VASP: variants seen among roughly 807,000 people sequenced by gnomAD.
VASP encodes the protein vasodilator-stimulated phosphoprotein.
In VASP, 27 loss-of-function variants were observed where a neutral mutation model predicts 54.4. The observed-to-expected ratio is 0.50, with a 90% confidence interval of 0.37 to 0.68. The LOEUF is 0.68. Among genes scored for constraint, VASP ranks in the 30% least tolerant of loss-of-function variants. The pLI is 0.00. For missense variants in VASP, 488 were observed against 528.3 expected, an observed-to-expected ratio of 0.92 and a Z score of 0.75; for synonymous variants, 233 against 209.8, an observed-to-expected ratio of 1.11 and a Z score of -0.96.
rs757610865 is a variant in VASP at position 45,524,510 on chromosome 19, C to T, written c.957-60C>T. 127 of 1,513,206 alleles carry T rather than the reference C, an allele frequency of 8.4e-5. 1 individual carries two copies. Among genetic ancestry groups the T allele is most frequent in the Admixed American group, 1.7e-5 (1 of 59,764 alleles). The allele number at this position is 1,513,206 out of a possible 1,614,324, so 93.7% of individuals were successfully genotyped here. A position where few individuals can be genotyped will look rare whatever the true frequency, so the allele number is the denominator to read the frequency against. On this transcript the variant is annotated intron_variant, in intron 10 of 12. Transcript: ENST00000245932. ...TCAATGTGACCCCTGGAATAGGAGG[C>T]GGGGAAGCAGGTCCTCTCTCTAATC...
chr19:45,524,659 AGGTAACTTGGGG>A lies in VASP; in HGVS notation c.1047+2_1047+13del, dbSNP rs1968920642. The A allele has an allele frequency of 6.2e-7, 1 of 1,613,558 alleles. No individual in the cohort carries two copies. Among genetic ancestry groups the A allele is most frequent in the Admixed American group, 1.7e-5 (1 of 59,960 alleles). ...TACTCGGACCTACAGAGGGTGAAAC[AGGTAACTTGGGG>A]GGGAAGTTGGGGACCACAGCAAGAG... is the stretch of plus-strand genomic sequence containing the variant. On this transcript the variant is annotated splice_donor_variant and splice_donor_5th_base_variant and coding_sequence_variant and intron_variant, in exon 11 of 13. Transcript: ENST00000245932. LOFTEE classifies it high-confidence loss of function.
At chr19:45,522,682 G>A (rs770046930) in intron 6 of VASP, 36 bp from the exon 7 acceptor site, 1 of 1,597,400 alleles carries the variant, frequency 6.3e-7, no homozygotes, top group South Asian at 1.1e-5. Flanking sequence ...CAAAAGGCCT[G>A]CCCCTAAAGC....
At chr19:45,524,727 G>A in intron 11 of VASP, 67 bp downstream of exon 11, 1 of 1,459,978 alleles carries the variant, frequency 6.8e-7, no homozygotes, top group East Asian at 2.4e-5. Context: ...CCACTGGCAT[G>A]CCGTATGATC....
At chr19:45,520,497 G>C (rs563019888) in intron 3 of VASP, among the ~76,000 whole-genome samples, 1 of 152,338 alleles carries the variant, frequency 6.6e-6, no homozygotes, top group Non-Finnish European at 1.5e-5. Context: ...GGGGCACACA[G>C]AAAAATACAG....
chr19:45,517,700 C>G lies in VASP; in HGVS notation c.43C>G (p.Leu15Val), dbSNP rs748897906. ...VICSSRATVMLYDDGNKRWLP... is the reference protein window; with the variant it reads ...VICSSRATVMVYDDGNKRWLP... ...CTGTTCCAGCCGGGCCACTGTGATG[C>G]TTTATGATGATGGCAACAAGCGATG... Residue 15 changes from leucine to valine, a missense_variant, in exon 2 of 13, where the codon CTT (leucine) becomes GTT (valine). Transcript: ENST00000245932. 4.3e-6 allele frequency: 7 copies of G among 1,611,878 alleles called. No homozygotes were observed. Among genetic ancestry groups the G allele is most frequent in the Admixed American group, 1.7e-5 (1 of 59,998 alleles).
rs545308879 is a variant in VASP at position 45,526,222 on chromosome 19, C to T, written c.*45C>T. On this transcript the variant is annotated 3_prime_UTR_variant, in exon 13 of 13. Transcript: ENST00000245932. ...CCGCTTCTCCTTTCCGCACACCCGG[C>T]CTGTCACCCTGCTTTCCCTGCCTCT... 30 of 1,579,066 alleles carry T rather than the reference C, an allele frequency of 1.9e-5. No homozygotes were observed. The South Asian group carries it at 3.5e-4, about 18-fold the overall frequency.
chr19:45,518,602 G>A (rs562748495), intron 3 of VASP, among the ~76,000 whole-genome samples: 29 of 152,208 alleles, frequency 1.9e-4, no homozygotes, highest in Middle Eastern at 3.4e-3. Context: ...ATTACTCAGG[G>A]ATCAGTACTC....
chr19:45,507,551 T>C lies in VASP; in HGVS notation c.-221T>C. The C allele has an allele frequency of 1.9e-6, 1 of 529,744 alleles. No individual in the cohort carries two copies. 32.8% of individuals were successfully genotyped at this position (529,744 alleles called of 1,614,324 possible). On this transcript the variant is annotated 5_prime_UTR_variant, in exon 1 of 13. Coordinates refer to ENST00000245932, the MANE Select transcript of VASP (RefSeq NM_003370.4). The surrounding 1 kb of genome is among the most constrained non-coding windows in gnomAD (Gnocchi z 4.4). Reference sequence around the variant, plus strand: ...CTGGGGAGCGGACGCTGCATCCCCTTTCTGCTGCAGGAACCTCTCATCAGA... The same window carrying C: ...CTGGGGAGCGGACGCTGCATCCCCTCTCTGCTGCAGGAACCTCTCATCAGA...
intron 4 of VASP, 75 bp from the exon 5 acceptor site, chr19:45,522,093 A>C: frequency 6.3e-7 from 1 of 1,597,004 alleles, no homozygotes; most frequent in Non-Finnish European, 8.5e-7. Flanking sequence ...GAGAGAGAGG[A>C]CGGAGGTCGC....
At chr19:45,516,983 C>CAAAAAAAAAA (rs112095290) in intron 1 of VASP, among the ~76,000 whole-genome samples, 5 of 57,854 alleles carry the variant, frequency 8.6e-5, no homozygotes, top group Admixed American at 2.0e-4. Flanking sequence ...GACTCTGTCT[C>CAAAAAAAAAA]AAAAAAAAAA....
chr19:45,524,719 A>G (rs1456891702), intron 11 of VASP, 59 bp downstream of exon 11: 7 of 1,510,578 alleles, frequency 4.6e-6, no homozygotes, highest in Non-Finnish European at 6.4e-6. Flanking sequence ...GGCCCCTGCC[A>G]CTGGCATGCC....
intron 4 of VASP, 37 bp from the exon 5 acceptor site, chr19:45,522,131 C>G: frequency 6.2e-7 from 1 of 1,612,490 alleles, no homozygotes. Context: ...ATCCTTAGGG[C>G]CCTGATTGAC....
chr19:45,516,529 G>C (rs1479997692), intron 1 of VASP, among the ~76,000 whole-genome samples: 1 of 152,156 alleles, frequency 6.6e-6, no homozygotes, highest in Non-Finnish European at 1.5e-5. Flanking sequence ...GTGCAGCTCT[G>C]GGCTCTTGGC....
intron 4 of VASP, among the ~76,000 whole-genome samples, chr19:45,521,964 ATC>A (rs937068742): frequency 1.3e-5 from 2 of 151,494 alleles, no homozygotes; most frequent in African/African-American, 4.8e-5. Context: ...TCGCATCCTG[ATC>A]TCTCCCTGTC....
At chr19:45,516,045 C>T (rs1968694199) in intron 1 of VASP, among the ~76,000 whole-genome samples, 2 of 152,230 alleles carry the variant, frequency 1.3e-5, no homozygotes, top group Non-Finnish European at 1.5e-5. Context: ...TTACTGACAC[C>T]TCCCACCCAG....
At chr19:45,520,225 C>G (rs940889074) in intron 3 of VASP, among the ~76,000 whole-genome samples, 7 of 152,112 alleles carry the variant, frequency 4.6e-5, no homozygotes, top group Non-Finnish European at 1.0e-4. Flanking sequence ...TAAACCTTAA[C>G]GTGCACATGA....
chr19:45,514,468 G>A (rs985700984), intron 1 of VASP, among the ~76,000 whole-genome samples: 2 of 152,024 alleles, frequency 1.3e-5, no homozygotes, highest in Non-Finnish European at 2.9e-5. Flanking sequence ...CAATCCTCCC[G>A]CCTCGGCCTC....
At position 45,517,928 on chromosome 19, in the gene VASP, G is replaced by A; in HGVS notation, c.178-1G>A. On this transcript the variant is annotated splice_acceptor_variant, in intron 2 of 12. Transcript: ENST00000245932. LOFTEE classifies it high-confidence loss of function. Reference sequence around the variant, plus strand: ...CTCACCCCCCTTTCCCCTCCCACCAGGTGGTCATCAACTGTGCCATCGTCC... The same window carrying A: ...CTCACCCCCCTTTCCCCTCCCACCAAGTGGTCATCAACTGTGCCATCGTCC... 1 of 1,405,034 alleles carries A rather than the reference G, an allele frequency of 7.1e-7. No individual in the cohort carries two copies. Among genetic ancestry groups the A allele is most frequent in the Non-Finnish European group, 9.5e-7 (1 of 1,048,020 alleles). The allele number at this position is 1,405,034 out of a possible 1,614,324, so 87.0% of individuals were successfully genotyped here. A position where few individuals can be genotyped will look rare whatever the true frequency, so the allele number is the denominator to read the frequency against.
intron 3 of VASP, 43 bp from the exon 4 acceptor site, chr19:45,521,279 A>C (rs1370805625): frequency 6.6e-7 from 1 of 1,521,272 alleles, no homozygotes; most frequent in Admixed American, 2.0e-5. Flanking sequence ...AGCTGAGCAG[A>C]GTTCTGGGAC....
Sources: allele counts gnomAD v4.1 joint callset (sites outside exome capture counted in the v4.1 genomes callset), GRCh38; gene constraint gnomAD v4.1.1; non-coding constraint Gnocchi (gnomAD v3.1); transcripts MANE v1.5; gene names NCBI Gene and HGNC (gene_info 2026-07-23, HGNC 2026-07-21).